Variants in TFAP2D observed in about 807,000 individuals in gnomAD.
TFAP2D encodes the protein transcription factor AP-2 delta, also known as transcription factor AP-2-delta.
TFAP2D carries 9 observed loss-of-function variants against 43.6 expected under a neutral mutation model. The observed-to-expected ratio is 0.21, with a 90% CI of 0.12 to 0.36. The LOEUF is 0.36. Ranked by LOEUF, TFAP2D falls within the 10% of genes least tolerant of loss-of-function variation. TFAP2D has a pLI of 1.00. For missense variants in TFAP2D, 513 were observed against 561.4 expected (o/e 0.91, Z 0.87); for synonymous variants, 256 against 224.9 (o/e 1.14, Z -1.24).
At chr6:50,761,052 C>G (rs1037220479) in intron 7 of TFAP2D, among the ~76,000 whole-genome samples, 1 of 151,426 alleles carries the variant, frequency 6.6e-6, no homozygotes, top group Admixed American at 6.6e-5. Context: ...GATTTGTCTT[C>G]CATTTAAATC....
At chr6:50,766,270 G>C (rs1255274404) in intron 7 of TFAP2D, among the ~76,000 whole-genome samples, 1 of 152,098 alleles carries the variant, frequency 6.6e-6, no homozygotes, top group Non-Finnish European at 1.5e-5. Context: ...CTATAGCTTT[G>C]TAATATAATC....
chr6:50,722,557 C>G (rs1200032559), intron 3 of TFAP2D, among the ~76,000 whole-genome samples: 1 of 151,972 alleles, frequency 6.6e-6, no homozygotes, highest in African/African-American at 2.4e-5. Context: ...TGGCCGCCTC[C>G]CCTTTGCCAG....
At chr6:50,741,333 T>C (rs1769042093) in intron 5 of TFAP2D, among the ~76,000 whole-genome samples, 1 of 152,156 alleles carries the variant, frequency 6.6e-6, no homozygotes, top group Non-Finnish European at 1.5e-5. Context: ...GCAAGTTTGT[T>C]ACATAGATAA....
intron 7 of TFAP2D, among the ~76,000 whole-genome samples, chr6:50,758,601 G>A (rs1056339482): frequency 1.3e-4 from 19 of 151,914 alleles, no homozygotes; most frequent in African/African-American, 4.1e-4. Context: ...CTCTATTCTT[G>A]GCAACACGCT....
At chr6:50,737,014 TC>T in intron 5 of TFAP2D, among the ~76,000 whole-genome samples, 1 of 152,258 alleles carries the variant, frequency 6.6e-6, no homozygotes, top group East Asian at 1.9e-4. Context: ...TCTTAAGAGC[TC>T]CGTTGTCCAG....
At chr6:50,738,234 T>C (rs1417533178) in intron 5 of TFAP2D, among the ~76,000 whole-genome samples, 1 of 152,118 alleles carries the variant, frequency 6.6e-6, no homozygotes, top group Non-Finnish European at 1.5e-5. Context: ...ACTTTCGTTA[T>C]TGATTTGTAA....
Position 50,751,394 on chromosome 6 carries a change from A to G in TFAP2D, c.1139+70A>G, listed in dbSNP as rs942731413. ...ATGCTTGTATTCCTATCACAGTTCTATTTAGAGATACCACTTATATGTTTA... is the reference window on the plus strand; with the variant it reads ...ATGCTTGTATTCCTATCACAGTTCTGTTTAGAGATACCACTTATATGTTTA... On this transcript the variant is annotated intron_variant, in intron 7 of 7. Transcript: ENST00000008391. 4.8e-6 allele frequency: 5 copies of G among 1,036,910 alleles called. No homozygotes were observed. The African/African-American group carries it at 8.0e-5, about 17-fold the overall frequency. The allele number at this position is 1,036,910 out of a possible 1,614,324, so 64.2% of individuals were successfully genotyped here. A position where few individuals can be genotyped will look rare whatever the true frequency, so the allele number is the denominator to read the frequency against.
At position 50,767,461 on chromosome 6, in the gene TFAP2D, G is replaced by A. The variant is rs565461304; in HGVS notation, c.1140-5184G>A. On this transcript the variant is annotated intron_variant, in intron 7 of 7. Transcript: ENST00000008391. ...TCCTCACTTTGTGACAGAGAGTTTA[G>A]CCTCACCTGTTTTCTTCCCATTGTC... 2.0e-5 allele frequency among the ~76,000 whole-genome samples: 3 copies of A among 152,220 alleles called. No homozygotes were observed. The East Asian group carries it at 5.8e-4, about 29-fold the overall frequency.
chr6:50,714,200 T>C, intron 1 of TFAP2D, 106 bp downstream of exon 1: 1 of 1,157,060 alleles, frequency 8.6e-7, no homozygotes, highest in South Asian at 1.4e-5. Flanking sequence ...GTCTCTAATC[T>C]ATATTGGACC....
chr6:50,748,148 T>C (rs1290548507), intron 6 of TFAP2D, among the ~76,000 whole-genome samples: 1 of 151,948 alleles, frequency 6.6e-6, no homozygotes, highest in Non-Finnish European at 1.5e-5. Context: ...CAAACATACG[T>C]AATATAACCA....
chr6:50,742,847 AG>A (rs1769071557), intron 5 of TFAP2D, among the ~76,000 whole-genome samples: 1 of 151,950 alleles, frequency 6.6e-6, no homozygotes, highest in South Asian at 2.1e-4. Context: ...TGATGGGTCA[AG>A]GTTTAAAACA....
chr6:50,756,785 C>A (rs1487547611), intron 7 of TFAP2D, among the ~76,000 whole-genome samples: 1 of 151,954 alleles, frequency 6.6e-6, no homozygotes, highest in Non-Finnish European at 1.5e-5. Flanking sequence ...CTGCAGAAGA[C>A]CCCATAGACT....
chr6:50,737,866 A>G (rs1768985181), intron 5 of TFAP2D, among the ~76,000 whole-genome samples: 1 of 152,186 alleles, frequency 6.6e-6, no homozygotes. Context: ...TGGTTCAATG[A>G]AGAACCTCAA....
chr6:50,731,689 T>C (rs768568370), intron 5 of TFAP2D, among the ~76,000 whole-genome samples: 27 of 152,160 alleles, frequency 1.8e-4, no homozygotes, highest in Non-Finnish European at 2.6e-4. Flanking sequence ...TACATTGAAA[T>C]AGGCTTCATT....
chr6:50,747,762 C>T (rs1769145181), intron 6 of TFAP2D, among the ~76,000 whole-genome samples: 1 of 151,964 alleles, frequency 6.6e-6, no homozygotes, highest in South Asian at 2.1e-4. Flanking sequence ...GAAATGCATC[C>T]ATATTTGTCA....
intron 2 of TFAP2D, 130 bp downstream of exon 2, chr6:50,715,743 T>TCACACACACACA (rs1327376048): frequency 1.5e-6 from 1 of 672,446 alleles, no homozygotes; most frequent in African/African-American, 2.2e-5. Context: ...TCTCTCTCTC[T>TCACACACACACA]CTCTCTCACA....
At chr6:50,768,154 T>C (rs1769469517) in intron 7 of TFAP2D, among the ~76,000 whole-genome samples, 1 of 151,858 alleles carries the variant, frequency 6.6e-6, no homozygotes, top group Non-Finnish European at 1.5e-5. Flanking sequence ...AAATCATCTC[T>C]ATTGTCAAAG....
At chr6:50,718,572 T>C (rs1009109656) in intron 2 of TFAP2D, among the ~76,000 whole-genome samples, 3 of 152,184 alleles carry the variant, frequency 2.0e-5, no homozygotes, top group Non-Finnish European at 4.4e-5. Context: ...CTGAAGATTT[T>C]TCCTTCATAC....
intron 5 of TFAP2D, 72 bp from the exon 6 acceptor site, chr6:50,745,035 G>T: frequency 6.4e-7 from 1 of 1,563,488 alleles, no homozygotes; most frequent in Non-Finnish European, 8.7e-7. Flanking sequence ...TGAGGCTTGA[G>T]CAAAATGCAA....
Sources: gnomAD v4.1 joint callset for allele counts (sites outside exome capture counted in the v4.1 genomes callset) on GRCh38, gnomAD v4.1.1 for gene constraint, MANE v1.5 for transcripts, NCBI Gene and HGNC (gene_info 2026-07-23, HGNC 2026-07-21) for gene names.